Variants in ATAD2 observed in about 807,000 individuals in gnomAD.
ATAD2 encodes the protein ATPase family AAA domain-containing protein 2.
Under a neutral mutation model 168.9 loss-of-function variants are expected in ATAD2, and 62 were observed. That is an observed-to-expected ratio of 0.37 (90% CI 0.30 to 0.45). The LOEUF is 0.45. Ranked by LOEUF, ATAD2 falls within the 20% of genes least tolerant of loss-of-function variation. The probability of loss-of-function intolerance (pLI) is 1.00; values close to 1 mark genes in which losing one functional copy is unlikely to be tolerated. For missense variants in ATAD2, 1,419 were observed against 1,667.8 expected, an observed-to-expected ratio of 0.85 and a Z score of 2.60; for synonymous variants, 613 against 571.6, an observed-to-expected ratio of 1.07 and a Z score of -1.03.
At chr8:123,400,960 G>C, upstream of ATAD2, 3 of 1,418,520 alleles carry the variant, frequency 2.1e-6, no homozygotes, top group South Asian at 1.1e-5. The surrounding 1 kb of genome is among the most constrained non-coding windows in gnomAD (Gnocchi z 4.5). Context: ...CCCTGTGGGT[G>C]ATGTGCTGGA....
intron 2 of ATAD2, among the ~76,000 whole-genome samples, chr8:123,377,700 T>A (rs531848273): frequency 1.4e-4 from 21 of 152,366 alleles, no homozygotes; most frequent in African/African-American, 4.6e-4. Flanking sequence ...TACTGCTGTG[T>A]ACCACGATGG....
At chr8:123,331,993 T>A (rs1315325509) in intron 24 of ATAD2, among the ~76,000 whole-genome samples, 1 of 152,246 alleles carries the variant, frequency 6.6e-6, no homozygotes, top group East Asian at 1.9e-4. Context: ...TTTGTTTAAA[T>A]TTCTCTTGAC....
At chr8:123,333,088 TA>T (rs1033902093) in intron 24 of ATAD2, among the ~76,000 whole-genome samples, 15 of 151,822 alleles carry the variant, frequency 9.9e-5, no homozygotes, top group African/African-American at 3.6e-4. Context: ...CACAGAGATC[TA>T]AAAAGGTAGT....
At chr8:123,389,225 C>T (rs1411914145) in intron 1 of ATAD2, among the ~76,000 whole-genome samples, 1 of 149,062 alleles carries the variant, frequency 6.7e-6, no homozygotes, top group Admixed American at 6.7e-5. Flanking sequence ...ATCCGCCCGC[C>T]TTGGCCTCCC....
chr8:123,342,346 T>G (rs898548718), intron 19 of ATAD2: 1 of 152,216 alleles, frequency 6.6e-6, no homozygotes, highest in Non-Finnish European at 1.5e-5. Flanking sequence ...CTTGTCATGA[T>G]GAAGATGTAT....
At position 123,329,775 on chromosome 8, in the gene ATAD2, A is replaced by AAATT. The variant is rs1554641633; in HGVS notation, c.3479-1197_3479-1196insAATT. 4.6e-5 allele frequency among the ~76,000 whole-genome samples: 6 copies of AAATT among 129,538 alleles called. 1 individual carries two copies. Among genetic ancestry groups the AAATT allele is most frequent in the South Asian group, 4.6e-4 (2 of 4,334 alleles). 85.0% of individuals were successfully genotyped at this position (129,538 alleles called of 152,430 possible). A position where few individuals can be genotyped will look rare whatever the true frequency, so the allele number is the denominator to read the frequency against. Reference sequence around the variant, plus strand: ...AAAAAAAAAAAAAAAAAAAAAAAAAATTTTTCACTTTAACCCAATGAAGTT... The same window carrying AAATT: ...AAAAAAAAAAAAAAAAAAAAAAAAAAAATTTTTTTCACTTTAACCCAATGAAGTT... On this transcript the variant is annotated intron_variant, in intron 24 of 27. Transcript: ENST00000287394.
chr8:123,341,000 T>G (rs1244635808), intron 19 of ATAD2, among the ~76,000 whole-genome samples: 1 of 151,722 alleles, frequency 6.6e-6, no homozygotes, highest in Non-Finnish European at 1.5e-5. Flanking sequence ...TGGAGTGCAG[T>G]GGTGCAATCT....
intron 21 of ATAD2, 38 bp downstream of exon 21, chr8:123,337,587 G>T: frequency 6.6e-7 from 1 of 1,508,588 alleles, no homozygotes. Context: ...GAAGCATTAT[G>T]GCCTAGAATA....
At chr8:123,410,711 T>C (rs935727991) in intron 1 of ATAD2, among the ~76,000 whole-genome samples, 1 of 152,238 alleles carries the variant, frequency 6.6e-6, no homozygotes, top group African/African-American at 2.4e-5. Context: ...ATCTTGCTAC[T>C]GCACTCTTCT....
chr8:123,381,482 C>T (rs944954125), intron 1 of ATAD2, among the ~76,000 whole-genome samples: 1 of 148,604 alleles, frequency 6.7e-6, no homozygotes, highest in African/African-American at 2.6e-5. Context: ...GCCTGGGCAA[C>T]AGAGTGAGAC....
chr8:123,397,660 A>G (rs1324360338), upstream of ATAD2, among the ~76,000 whole-genome samples: 1 of 152,246 alleles, frequency 6.6e-6, no homozygotes, highest in East Asian at 1.9e-4. Context: ...TGTACCAGGC[A>G]TTATTCTAAG....
intron 19 of ATAD2, among the ~76,000 whole-genome samples, chr8:123,339,897 CTT>C (rs55690697): frequency 1.4e-5 from 2 of 145,618 alleles, no homozygotes. Flanking sequence ...TTTTTGTTTT[CTT>C]TTTTTTTTTA....
chr8:123,396,430 T>G lies in ATAD2; in HGVS notation c.-73A>C. 7.1e-7 allele frequency: 1 copy of G among 1,402,024 alleles called. No individual in the cohort carries two copies. Among genetic ancestry groups the G allele is most frequent in the African/African-American group, 1.5e-5 (1 of 66,390 alleles). 86.8% of individuals were successfully genotyped at this position (1,402,024 alleles called of 1,614,324 possible). On this transcript the variant is annotated 5_prime_UTR_variant, in exon 1 of 28. Coordinates refer to ENST00000287394, the MANE Select transcript of ATAD2 (RefSeq NM_014109.4). Reference sequence around the variant, plus strand: ...CTCCAGGCGCTCGCAGCTCTGGCTCTTCCGCGCTCCGAATTCTGGCGCCAC... The same window carrying G: ...CTCCAGGCGCTCGCAGCTCTGGCTCGTCCGCGCTCCGAATTCTGGCGCCAC...
rs910886414 is a variant in ATAD2, at chr8:123,371,215, T to C, written c.639+21A>G. 12 of 1,549,850 alleles carry C rather than the reference T, an allele frequency of 7.7e-6. No homozygotes were observed. In the African/African-American group the frequency reaches 1.6e-4, roughly 21 times the overall value. ...TTAAACTGGATATTAAATCATTCCC[T>C]TAATGGAAGAATATATTTACTTCTT... On this transcript the variant is annotated intron_variant, in intron 5 of 27. Coordinates refer to ENST00000287394, the MANE Select transcript of ATAD2 (RefSeq NM_014109.4).
upstream of ATAD2, chr8:123,400,803 C>A: frequency 1.1e-6 from 1 of 948,268 alleles, no homozygotes. This position sits in a 1 kb window ranked among gnomAD's most constrained non-coding sequence, Gnocchi z 4.5. Flanking sequence ...TGACAGAGGG[C>A]AACATGGCCA....
intron 8 of ATAD2, among the ~76,000 whole-genome samples, chr8:123,364,198 C>G (rs78851533): frequency 3.3e-5 from 5 of 152,170 alleles, no homozygotes; most frequent in Non-Finnish European, 7.4e-5. Flanking sequence ...ATAGGTCCTA[C>G]TATCCTCACT....
chr8:123,369,022 T>A (rs1288506429), intron 8 of ATAD2, 36 bp downstream of exon 8: 1 of 1,283,702 alleles, frequency 7.8e-7, no homozygotes, highest in Middle Eastern at 2.0e-4. Flanking sequence ...AAAACAATTA[T>A]GTTGTCATAA....
At chr8:123,357,968 C>T (rs891887979) in intron 11 of ATAD2, among the ~76,000 whole-genome samples, 10 of 152,118 alleles carry the variant, frequency 6.6e-5, no homozygotes, top group Non-Finnish European at 1.0e-4. Flanking sequence ...AACATTTTAA[C>T]AATTCATTCA....
chr8:123,402,839 T>TAATAAA lies in ATAD2; in HGVS notation c.-2281-1670_-2281-1665dup, dbSNP rs1554648863. ...CCAATAATAATAATAATAATAATAA[T>TAATAAA]AATAAAAATCAACACACTACACACA... On this transcript the variant is annotated intron_variant, in intron 1 of 28. Transcript: ENST00000521903. This position sits in a 1 kb window ranked among gnomAD's most constrained non-coding sequence, Gnocchi z 4.8. 2.2e-4 allele frequency among the ~76,000 whole-genome samples: 3 copies of TAATAAA among 13,470 alleles called. No individual in the cohort carries two copies. Among genetic ancestry groups the TAATAAA allele is most frequent in the Admixed American group, 1.5e-3 (1 of 686 alleles). The allele number at this position is 13,470 out of a possible 152,430, so 8.8% of individuals were successfully genotyped here. A position where few individuals can be genotyped will look rare whatever the true frequency, so the allele number is the denominator to read the frequency against.
Sources: allele counts gnomAD v4.1 joint callset (sites outside exome capture counted in the v4.1 genomes callset), GRCh38; gene constraint gnomAD v4.1.1; non-coding constraint Gnocchi (gnomAD v3.1); transcripts MANE v1.5; gene names NCBI Gene and HGNC (gene_info 2026-07-23, HGNC 2026-07-21).